The following MTREX variants were observed in gnomAD, a reference collection of about 807,000 sequenced individuals.
MTREX encodes the protein Mtr4 exosome RNA helicase, also known as exosome RNA helicase MTR4.
In MTREX, 76 loss-of-function variants were observed where a neutral mutation model predicts 135.4. The ratio of observed to expected loss-of-function variants is 0.56; its 90% CI spans 0.47 to 0.68. The LOEUF is 0.68. Among genes scored for constraint, MTREX ranks in the 30% least tolerant of loss-of-function variants. The pLI is 0.00. For missense variants in MTREX, 920 were observed against 1,262.1 expected, an observed-to-expected ratio of 0.73 and a Z score of 4.11; for synonymous variants, 404 against 401.6, an observed-to-expected ratio of 1.01 and a Z score of -0.07.
chr5:55,340,278 C>T, intron 6 of MTREX, 94 bp downstream of exon 6: 1 of 958,312 alleles, frequency 1.0e-6, no homozygotes, highest in South Asian at 2.5e-5. Flanking sequence ...GGTTGCTCTA[C>T]TTAGGTAAAG....
intron 25 of MTREX, 107 bp from the exon 26 acceptor site, chr5:55,422,771 C>T (rs1339544638): frequency 1.3e-6 from 1 of 780,624 alleles, no homozygotes; most frequent in African/African-American, 1.8e-5. Context: ...GGAAGTCCCT[C>T]AAAGTACTAT....
At chr5:55,320,173 T>G (rs1749264282) in intron 1 of MTREX, among the ~76,000 whole-genome samples, 2 of 152,116 alleles carry the variant, frequency 1.3e-5, no homozygotes, top group Admixed American at 6.6e-5. Context: ...ATGGAAAGGT[T>G]GTTCAAGCAT....
intron 16 of MTREX, among the ~76,000 whole-genome samples, chr5:55,373,994 G>T (rs993026238): frequency 3.9e-5 from 6 of 152,020 alleles, no homozygotes; most frequent in African/African-American, 1.4e-4. Flanking sequence ...CAGGCATGGT[G>T]GCTCATGCCT....
chr5:55,397,763 A>T (rs1225779441), intron 20 of MTREX, among the ~76,000 whole-genome samples: 2 of 152,258 alleles, frequency 1.3e-5, no homozygotes, highest in East Asian at 3.8e-4. Context: ...AAGGAAAACC[A>T]TTCTGCTTTA....
chr5:55,384,443 C>T (rs1207333435), intron 18 of MTREX, among the ~76,000 whole-genome samples: 2 of 152,012 alleles, frequency 1.3e-5, no homozygotes, highest in African/African-American at 2.4e-5. Context: ...TTGTGATTTC[C>T]CTTGATTCTT....
At chr5:55,357,836 G>A (rs902227936) in intron 14 of MTREX, among the ~76,000 whole-genome samples, 6 of 152,196 alleles carry the variant, frequency 3.9e-5, no homozygotes, top group African/African-American at 1.4e-4. Flanking sequence ...CTGTATACAG[G>A]TGGCTTACTA....
In MTREX at chr5:55,343,391, T is replaced by G; in HGVS notation, c.842T>G (p.Phe281Cys). 1 of 1,613,570 alleles carries G rather than the reference T, an allele frequency of 6.2e-7. No homozygotes were observed. Among genetic ancestry groups the G allele is most frequent in the South Asian group, 1.1e-5 (1 of 91,024 alleles). Residue 281 changes from phenylalanine to cysteine, a missense_variant, in exon 8 of 27, where the codon TTT (phenylalanine) becomes TGT (cysteine). Phe to Cys is a radical substitution (Grantham distance 205). Coordinates refer to ENST00000230640, the MANE Select transcript of MTREX (RefSeq NM_015360.5). ...ILLPDNVHYV[F>C]LSATIPNARQ... Reference sequence around the variant, plus strand: ...CTTCCTGATAACGTCCACTATGTCTTTCTTTCGGCTACTATTCCAAATGCC... The same window carrying G: ...CTTCCTGATAACGTCCACTATGTCTGTCTTTCGGCTACTATTCCAAATGCC...
At chr5:55,373,396 G>C (rs747676630) in intron 16 of MTREX, among the ~76,000 whole-genome samples, 2 of 151,826 alleles carry the variant, frequency 1.3e-5, no homozygotes, top group Admixed American at 1.3e-4. Flanking sequence ...AAATGTCCAG[G>C]GAGGACAGGA....
intron 23 of MTREX, among the ~76,000 whole-genome samples, chr5:55,413,070 A>G (rs1750908439): frequency 6.6e-6 from 1 of 152,116 alleles, no homozygotes; most frequent in South Asian, 2.1e-4. Context: ...GATCGGGCAC[A>G]GTGGCTCATG....
In MTREX at chr5:55,425,321, G is replaced by A. The variant is rs146179969; in HGVS notation, c.*549G>A. 175 of 1,603,160 alleles carry A rather than the reference G, an allele frequency of 1.1e-4. No homozygotes were observed. Among genetic ancestry groups the A allele is most frequent in the Non-Finnish European group, 1.4e-4 (164 of 1,170,928 alleles). Reference sequence around the variant, plus strand: ...AGAAGTTCTTTCTTTGAAGAAATCCGATACATATACAGCCTACAGTGCAAA... The same window carrying A: ...AGAAGTTCTTTCTTTGAAGAAATCCAATACATATACAGCCTACAGTGCAAA... On this transcript the variant is annotated 3_prime_UTR_variant, in exon 27 of 27. Coordinates refer to ENST00000230640, the MANE Select transcript of MTREX (RefSeq NM_015360.5).
intron 23 of MTREX, among the ~76,000 whole-genome samples, chr5:55,411,267 G>GT (rs1437827151): frequency 6.6e-6 from 1 of 152,166 alleles, no homozygotes; most frequent in East Asian, 1.9e-4. Context: ...AAGATATATT[G>GT]TTTTGCATTT....
intron 23 of MTREX, among the ~76,000 whole-genome samples, chr5:55,413,980 G>A (rs1750926725): frequency 6.6e-6 from 1 of 152,168 alleles, no homozygotes; most frequent in South Asian, 2.1e-4. Context: ...TGTAATAACA[G>A]AATATTATAA....
chr5:55,322,502 A>G, intron 2 of MTREX, 38 bp downstream of exon 2: 1 of 1,486,706 alleles, frequency 6.7e-7, no homozygotes, highest in South Asian at 1.4e-5. Flanking sequence ...GTAACTCATA[A>G]TTCAGGTGGT....
intron 13 of MTREX, 31 bp from the exon 14 acceptor site, chr5:55,353,137 T>A: frequency 7.0e-7 from 1 of 1,423,858 alleles, no homozygotes. Context: ...TTAAAATACA[T>A]GTTTAATTAT....
At chr5:55,411,352 ATAATT>A (rs1031488020) in intron 23 of MTREX, among the ~76,000 whole-genome samples, 3 of 152,240 alleles carry the variant, frequency 2.0e-5, no homozygotes, top group African/African-American at 7.2e-5. Context: ...CCTTCTAAAA[ATAATT>A]TAATATTCTA....
At chr5:55,352,021 T>TTTTTGTTTTTG (rs1479008434) in intron 13 of MTREX, among the ~76,000 whole-genome samples, 11 of 131,916 alleles carry the variant, frequency 8.3e-5, no homozygotes, top group African/African-American at 3.4e-4. Context: ...TTTGTTTTTG[T>TTTTTGTTTTTG]TTTTGTTTTG....
At chr5:55,421,615 C>T (rs946809565) in intron 25 of MTREX, among the ~76,000 whole-genome samples, 21 of 152,170 alleles carry the variant, frequency 1.4e-4, no homozygotes, top group Admixed American at 6.5e-5. Context: ...CTGGTTAACA[C>T]GAGTTACTAA....
rs150001956 is a variant in MTREX, at chr5:55,415,498, T to C, written c.2809-472T>C. Among the ~76,000 whole-genome samples, 824 of 152,326 alleles carry C rather than the reference T, an allele frequency of 5.4e-3. 4 individuals are homozygous for C. Among genetic ancestry groups the C allele is most frequent in the African/African-American group, 0.019 (794 of 41,570 alleles). On this transcript the variant is annotated intron_variant, in intron 24 of 26. Transcript: ENST00000230640. ...CAAAGTCTTCATAGGCCTAGGAGTTTTTGGCCTTTTAGATTGCCAAGTAAA... is the reference window on the plus strand; with the variant it reads ...CAAAGTCTTCATAGGCCTAGGAGTTCTTGGCCTTTTAGATTGCCAAGTAAA...
chr5:55,400,357 C>T lies in MTREX; in HGVS notation c.2417C>T (p.Ser806Phe). ...KVEAFEHRMY[S>F]HPLHNDPNLE... is the part of the protein sequence containing the mutation. ...GAAGCTTTTGAGCATCGAATGTATTCTCATCCACTTCACAATGATCCAAAT... is the reference window on the plus strand; with the variant it reads ...GAAGCTTTTGAGCATCGAATGTATTTTCATCCACTTCACAATGATCCAAAT... The change falls in exon 21 of 27, where the codon TCT (serine) becomes TTT (phenylalanine). Residue 806 changes from serine (S) to phenylalanine (F), a missense_variant. This residue lies in a region of MTREX where 467 missense variants were observed against 589.7 expected (regional missense o/e 0.79). Coordinates refer to ENST00000230640, the MANE Select transcript of MTREX (RefSeq NM_015360.5). 1 of 1,612,828 alleles carries T rather than the reference C, an allele frequency of 6.2e-7. No individual in the cohort carries two copies. Among genetic ancestry groups the T allele is most frequent in the Non-Finnish European group, 8.5e-7 (1 of 1,179,540 alleles).
Sources: allele counts gnomAD v4.1 joint callset (sites outside exome capture counted in the v4.1 genomes callset), GRCh38; gene constraint gnomAD v4.1.1; regional missense constraint gnomAD v4.1.1; transcripts MANE v1.5; gene names NCBI Gene and HGNC (gene_info 2026-07-23, HGNC 2026-07-21).